The following NEDD4L variants were observed in gnomAD, a reference collection of about 807,000 sequenced individuals.
The protein encoded by NEDD4L is E3 ubiquitin-protein ligase NEDD4-like.
In NEDD4L, 54 loss-of-function variants were observed where a neutral mutation model predicts 148.9. The ratio of observed to expected loss-of-function variants is 0.36; its 90% CI spans 0.29 to 0.45. NEDD4L has a LOEUF of 0.45. Ranked by LOEUF, NEDD4L falls within the 20% of genes least tolerant of loss-of-function variation. The pLI, the probability that NEDD4L is intolerant of heterozygous loss-of-function variation, is 1.00. For synonymous variants in NEDD4L, 433 were observed against 440.7 expected, an observed-to-expected ratio of 0.98 and a Z score of 0.22; for missense variants, 856 against 1,233.8, an observed-to-expected ratio of 0.69 and a Z score of 4.59.
chr18:58,199,731 A>G (rs549632856), intron 2 of NEDD4L, among the ~76,000 whole-genome samples: 2 of 152,346 alleles, frequency 1.3e-5, no homozygotes, highest in South Asian at 2.1e-4. Context: ...GAAACATTCT[A>G]GTCTCTTAGG....
At chr18:58,310,785 A>T (rs2057598948) in intron 5 of NEDD4L, among the ~76,000 whole-genome samples, 1 of 152,188 alleles carries the variant, frequency 6.6e-6, no homozygotes, top group Non-Finnish European at 1.5e-5. Context: ...CTCTGTCAGC[A>T]CTGGGGCCGG....
intron 2 of NEDD4L, among the ~76,000 whole-genome samples, chr18:58,231,560 A>C (rs1215243277): frequency 6.6e-6 from 1 of 151,662 alleles, no homozygotes. Flanking sequence ...TGTTATTGAC[A>C]AGTGGTTTTG....
At chr18:58,360,576 C>G (rs1180816705) in intron 19 of NEDD4L, among the ~76,000 whole-genome samples, 18 of 152,072 alleles carry the variant, frequency 1.2e-4, no homozygotes, top group Admixed American at 1.2e-3. Context: ...CTCTTTATCT[C>G]TTTATTTATT....
chr18:58,325,254 A>C, intron 9 of NEDD4L, 92 bp downstream of exon 9: 1 of 1,452,102 alleles, frequency 6.9e-7, no homozygotes, highest in Non-Finnish European at 9.5e-7. Flanking sequence ...CTGGGAAATA[A>C]ATCATATGTC....
intron 5 of NEDD4L, among the ~76,000 whole-genome samples, chr18:58,294,383 T>C (rs1441442914): frequency 6.6e-6 from 1 of 152,162 alleles, no homozygotes; most frequent in Non-Finnish European, 1.5e-5. Context: ...ATGGGGAGAC[T>C]CTCACTGAAT....
At chr18:58,357,299 G>C in intron 19 of NEDD4L, 47 bp downstream of exon 19, 1 of 1,467,816 alleles carries the variant, frequency 6.8e-7, no homozygotes, top group African/African-American at 1.4e-5. Context: ...TTTTGGTTAC[G>C]TGTTTACGTG....
intron 1 of NEDD4L, among the ~76,000 whole-genome samples, chr18:58,096,959 C>A (rs1374454870): frequency 2.0e-5 from 3 of 152,144 alleles, no homozygotes; most frequent in African/African-American, 7.2e-5. Flanking sequence ...TTAGGGCTTT[C>A]TATTTATTCT....
chr18:58,293,167 G>A (rs2055014451), intron 5 of NEDD4L, among the ~76,000 whole-genome samples: 1 of 152,226 alleles, frequency 6.6e-6, no homozygotes, highest in African/African-American at 2.4e-5. Flanking sequence ...TTGGTGAGTA[G>A]CTGCTAGAGC....
At chr18:58,227,976 C>A in intron 2 of NEDD4L, 1 of 307,280 alleles carries the variant, frequency 3.3e-6, no homozygotes, top group Non-Finnish European at 4.7e-6. Context: ...AATAATAGAG[C>A]TGGCTCTTGC....
chr18:58,262,015 G>C (rs1243533380), intron 5 of NEDD4L, among the ~76,000 whole-genome samples: 1 of 152,104 alleles, frequency 6.6e-6, no homozygotes, highest in Non-Finnish European at 1.5e-5. Context: ...AGAGTTGGCT[G>C]GTGATTATTC....
At chr18:58,339,841 C>G (rs1375314481) in intron 13 of NEDD4L, among the ~76,000 whole-genome samples, 1 of 152,120 alleles carries the variant, frequency 6.6e-6, no homozygotes, top group African/African-American at 2.4e-5. Context: ...CCACCTTCAC[C>G]AAGACACATT....
chr18:58,151,625 A>ATATG (rs1555709300), intron 1 of NEDD4L, among the ~76,000 whole-genome samples: 8 of 140,980 alleles, frequency 5.7e-5, no homozygotes, highest in African/African-American at 8.0e-5. Context: ...GTGCCTGGAT[A>ATATG]TGTGTGTGTG....
At chr18:58,268,363 A>G (rs752878514) in intron 5 of NEDD4L, among the ~76,000 whole-genome samples, 6 of 152,106 alleles carry the variant, frequency 3.9e-5, no homozygotes, top group South Asian at 4.2e-4. Context: ...CTCTCAGTCA[A>G]TCTTCCCTAG....
At chr18:58,340,106 T>C (rs2042239382) in intron 13 of NEDD4L, among the ~76,000 whole-genome samples, 1 of 152,268 alleles carries the variant, frequency 6.6e-6, no homozygotes, top group Non-Finnish European at 1.5e-5. Flanking sequence ...CACTTAGAGC[T>C]CTTTCACAGG....
Position 58,304,282 on chromosome 18 carries a change from GC to G in NEDD4L, c.298-11698del, listed in dbSNP as rs369288112. Among the ~76,000 whole-genome samples the G allele has an allele frequency of 5.8e-3, 883 of 151,210 alleles. 13 individuals are homozygous for G. The highest frequency in any genetic ancestry group is 0.02 in the African/African-American group (837 of 41,046). On this transcript the variant is annotated intron_variant, in intron 5 of 30. Transcript: ENST00000400345. ...ACCTGTAATCTCAGCACTTTGGGAA[GC>G]CGAGGTGGGAGGATCACTTAAGCCC...
chr18:58,359,502 C>G (rs2045190604), intron 19 of NEDD4L, among the ~76,000 whole-genome samples: 2 of 152,186 alleles, frequency 1.3e-5, no homozygotes, highest in Admixed American at 6.5e-5. Flanking sequence ...TTAAAACTAC[C>G]TTGCTTTAAA....
intron 16 of NEDD4L, among the ~76,000 whole-genome samples, chr18:58,343,313 G>C (rs3816005): frequency 2.0e-5 from 3 of 151,896 alleles, no homozygotes; most frequent in African/African-American, 7.3e-5. Flanking sequence ...TGGTATTGGT[G>C]CTGGGACTGC....
At chr18:58,274,581 C>T (rs1274012440) in intron 5 of NEDD4L, among the ~76,000 whole-genome samples, 1 of 152,136 alleles carries the variant, frequency 6.6e-6, no homozygotes, top group African/African-American at 2.4e-5. Context: ...GAATTATTCA[C>T]CTTGAAGAAC....
intron 1 of NEDD4L, among the ~76,000 whole-genome samples, chr18:58,138,931 T>C (rs1201793261): frequency 1.3e-5 from 2 of 152,216 alleles, no homozygotes; most frequent in South Asian, 4.1e-4. Context: ...GGTTAGGCAC[T>C]GTGTGGCTGG....
Sources: allele counts gnomAD v4.1 joint callset (sites outside exome capture counted in the v4.1 genomes callset), GRCh38; gene constraint gnomAD v4.1.1; transcripts MANE v1.5; gene names NCBI Gene and HGNC (gene_info 2026-07-23, HGNC 2026-07-21).